Variants in STK39 observed in about 807,000 individuals in gnomAD.
STK39 encodes the protein serine/threonine kinase 39.
In STK39, 20 loss-of-function variants were observed where a neutral mutation model predicts 77.8. The ratio of observed to expected loss-of-function variants is 0.26; its 90% confidence interval spans 0.18 to 0.37. The LOEUF (loss-of-function observed/expected upper bound fraction) is 0.37. Ranked by LOEUF, STK39 falls within the 10% of genes least tolerant of loss-of-function variation. The pLI is 1.00. For synonymous variants in STK39, 246 were observed against 234.1 expected (o/e 1.05, Z -0.47); for missense variants, 479 against 656.5 (o/e 0.73, Z 2.95).
intron 14 of STK39, among the ~76,000 whole-genome samples, chr2:168,058,508 C>G (rs950633131): frequency 6.6e-6 from 1 of 152,222 alleles, no homozygotes; most frequent in African/African-American, 2.4e-5. Flanking sequence ...ATTTACATCT[C>G]TAGCCGAGAC....
At chr2:168,001,035 C>A (rs578031265) in intron 16 of STK39, among the ~76,000 whole-genome samples, 3 of 152,136 alleles carry the variant, frequency 2.0e-5, no homozygotes, top group African/African-American at 7.2e-5. Context: ...CAGGCCCATG[C>A]GTTTGCACCT....
At chr2:168,226,009 A>G (rs1337088183) in intron 1 of STK39, among the ~76,000 whole-genome samples, 1 of 152,236 alleles carries the variant, frequency 6.6e-6, no homozygotes, top group Non-Finnish European at 1.5e-5. Flanking sequence ...ACAGGGAAAG[A>G]AGAGAGAAGC....
At chr2:168,220,608 C>T (rs1690143879) in intron 1 of STK39, among the ~76,000 whole-genome samples, 1 of 151,992 alleles carries the variant, frequency 6.6e-6, no homozygotes, top group South Asian at 2.1e-4. Context: ...ATAGTCAACG[C>T]CAAAAGAGAT....
At chr2:168,095,148 C>T (rs887747909) in intron 10 of STK39, among the ~76,000 whole-genome samples, 1 of 152,194 alleles carries the variant, frequency 6.6e-6, no homozygotes, top group Admixed American at 6.5e-5. Flanking sequence ...CTACTGTTCA[C>T]TCCTGAGCCA....
intron 15 of STK39, among the ~76,000 whole-genome samples, chr2:168,013,223 A>G (rs1385600436): frequency 6.6e-6 from 1 of 152,242 alleles, no homozygotes; most frequent in African/African-American, 2.4e-5. Context: ...CTCCTTTAAC[A>G]TGACACTGAT....
At chr2:167,994,422 T>C (rs1484713843) in intron 16 of STK39, among the ~76,000 whole-genome samples, 1 of 152,066 alleles carries the variant, frequency 6.6e-6, no homozygotes, top group African/African-American at 2.4e-5. Flanking sequence ...TAGAATTTGT[T>C]TTTTGTGTGT....
chr2:168,031,802 T>G (rs894367796), intron 14 of STK39, among the ~76,000 whole-genome samples: 1 of 152,184 alleles, frequency 6.6e-6, no homozygotes, highest in Non-Finnish European at 1.5e-5. Context: ...CTCCTATTGT[T>G]TAAGCGACCC....
intron 1 of STK39, among the ~76,000 whole-genome samples, chr2:168,192,394 T>A (rs1445118496): frequency 6.6e-6 from 1 of 152,208 alleles, no homozygotes; most frequent in Non-Finnish European, 1.5e-5. Context: ...CCAAGCTCCA[T>A]TAACAATAGC....
chr2:168,170,736 GC>G (rs1378129220), intron 2 of STK39, among the ~76,000 whole-genome samples: 1 of 152,202 alleles, frequency 6.6e-6, no homozygotes, highest in African/African-American at 2.4e-5. Flanking sequence ...TGTCAAAAGT[GC>G]CCAGTAGTGG....
chr2:168,022,711 C>T (rs569038315), intron 14 of STK39, among the ~76,000 whole-genome samples: 1 of 152,178 alleles, frequency 6.6e-6, no homozygotes, highest in Admixed American at 6.5e-5. Flanking sequence ...TAGTAATAAA[C>T]CGATTTCTGG....
chr2:168,028,907 G>C (rs745326546), intron 14 of STK39, among the ~76,000 whole-genome samples: 20 of 152,136 alleles, frequency 1.3e-4, no homozygotes, highest in Non-Finnish European at 2.5e-4. Context: ...GTCTTAGTAG[G>C]TGTATTTATA....
At chr2:168,068,269 TG>T in intron 12 of STK39, among the ~76,000 whole-genome samples, 1 of 152,266 alleles carries the variant, frequency 6.6e-6, no homozygotes. Context: ...TAGACCCTGA[TG>T]GGGATCTAGG....
At position 168,220,697 on chromosome 2, in the gene STK39, T is replaced by A. The variant is rs1230573716; in HGVS notation, c.208+26531A>T. Among the ~76,000 whole-genome samples the A allele has an allele frequency of 2.0e-5, 3 of 152,138 alleles. 1 individual carries two copies. Among genetic ancestry groups the A allele is most frequent in the African/African-American group, 4.8e-5 (2 of 41,422 alleles). ...ATCAAAGGCAATATTTCTAGGGAAA[T>A]TTTGGTTCCTAACAGTTCTCCATTA... is the stretch of plus-strand genomic sequence containing the variant. On this transcript the variant is annotated intron_variant, in intron 1 of 17. Transcript: ENST00000355999.
intron 1 of STK39, among the ~76,000 whole-genome samples, chr2:168,209,180 CAGA>C (rs1202747230): frequency 2.6e-5 from 4 of 152,144 alleles, no homozygotes; most frequent in Non-Finnish European, 1.5e-5. Context: ...AGCAAATGCA[CAGA>C]AGCAGTCTCA....
Position 167,954,201 on chromosome 2 carries a change from C to T in STK39, c.*1295G>A, listed in dbSNP as rs1691708324. On this transcript the variant is annotated 3_prime_UTR_variant, in exon 18 of 18. Transcript: ENST00000355999. Reference sequence around the variant, plus strand: ...TTTTTTCCTTAGTAATATATATTTGCTTTTTGAAGTACATTAAAGAGCTGC... The same window carrying T: ...TTTTTTCCTTAGTAATATATATTTGTTTTTTGAAGTACATTAAAGAGCTGC... 1.3e-5 allele frequency: 2 copies of T among 152,588 alleles called. No homozygotes were observed. Among genetic ancestry groups the T allele is most frequent in the South Asian group, 2.1e-4 (1 of 4,818 alleles). The allele number at this position is 152,588 out of a possible 1,614,324, so 9.5% of individuals were successfully genotyped here. A position where few individuals can be genotyped will look rare whatever the true frequency, so the allele number is the denominator to read the frequency against.
rs190325300 is a variant in STK39 at position 168,077,012 on chromosome 2, C to T, written c.1090-1781G>A. On this transcript the variant is annotated intron_variant, in intron 10 of 17. Coordinates refer to ENST00000355999, the MANE Select transcript of STK39 (RefSeq NM_013233.3). ...TACAATAAAATTATTTTCTTAGCAA[C>T]GCTGATCATGGTGGTAGCAACATAG... 1.0e-3 allele frequency among the ~76,000 whole-genome samples: 153 copies of T among 152,188 alleles called. 1 individual carries two copies. Among genetic ancestry groups the T allele is most frequent in the African/African-American group, 3.4e-3 (143 of 41,524 alleles).
intron 1 of STK39, among the ~76,000 whole-genome samples, chr2:168,205,214 A>T (rs555615007): frequency 1.3e-5 from 2 of 152,340 alleles, no homozygotes; most frequent in African/African-American, 4.8e-5. Flanking sequence ...ATAACACTGC[A>T]TTCATTTTAG....
At chr2:168,003,899 A>G (rs1215379406) in intron 16 of STK39, among the ~76,000 whole-genome samples, 1 of 152,272 alleles carries the variant, frequency 6.6e-6, no homozygotes, top group Non-Finnish European at 1.5e-5. Context: ...ATATCACAGC[A>G]TAATCACTGA....
chr2:168,005,468 C>T (rs1684108458), intron 16 of STK39, among the ~76,000 whole-genome samples: 1 of 151,114 alleles, frequency 6.6e-6, no homozygotes, highest in African/African-American at 2.4e-5. Context: ...TTGGAAGATA[C>T]AGCAATATTT....
Sources: gnomAD v4.1 joint callset for allele counts (sites outside exome capture counted in the v4.1 genomes callset) on GRCh38, gnomAD v4.1.1 for gene constraint, MANE v1.5 for transcripts, NCBI Gene and HGNC (gene_info 2026-07-23, HGNC 2026-07-21) for gene names.